Variants in RELB observed in about 807,000 individuals in gnomAD.
RELB encodes RELB proto-oncogene, NF-kB subunit, also known as transcription factor RelB.
In RELB, 14 loss-of-function variants were observed where a neutral mutation model predicts 55.4. The observed-to-expected ratio is 0.25, with a 90% CI of 0.17 to 0.40. The LOEUF is 0.40. Ranked by LOEUF, RELB falls within the 10% of genes least tolerant of loss-of-function variation. The pLI is 1.00. For missense variants in RELB, 669 were observed against 830.7 expected (o/e 0.81, Z 2.39); for synonymous variants, 409 against 371.3 (o/e 1.10, Z -1.17).
intron 4 of RELB, among the ~76,000 whole-genome samples, chr19:45,015,338 C>G (rs1293703087): frequency 6.6e-6 from 1 of 152,184 alleles, no homozygotes. Context: ...GTACCAGGTA[C>G]TTTGCATACC....
chr19:45,010,174 G>A (rs890099357), intron 3 of RELB, among the ~76,000 whole-genome samples: 5 of 151,174 alleles, frequency 3.3e-5, no homozygotes, highest in East Asian at 3.9e-4. Context: ...ATGGTGGTGC[G>A]CACCTGTAGT....
At chr19:45,028,197 T>C (rs34856574) in intron 7 of RELB, among the ~76,000 whole-genome samples, 1 of 151,976 alleles carries the variant, frequency 6.6e-6, no homozygotes, top group African/African-American at 2.4e-5. Context: ...TTTTTTTTCT[T>C]TTTTGAGAGA....
In RELB at chr19:45,029,005, G is replaced by C. The variant is rs1162640155; in HGVS notation, c.991+13G>C. 1 of 1,560,598 alleles carries C rather than the reference G, an allele frequency of 6.4e-7. No individual in the cohort carries two copies. Among genetic ancestry groups the C allele is most frequent in the East Asian group, 2.4e-5 (1 of 42,078 alleles). ...AAGGTGCAGAAAGGTGAGGGGCCTG[G>C]GGCAGCAAGCTTGGGCAGAGCGGGG... On this transcript the variant is annotated intron_variant, in intron 8 of 11. Coordinates refer to ENST00000221452, the MANE Select transcript of RELB (RefSeq NM_006509.4).
At position 45,005,824 on chromosome 19, in the gene RELB, G is replaced by T. The variant is rs546750718; in HGVS notation, c.154+2828G>T. On this transcript the variant is annotated intron_variant, in intron 2 of 11. Transcript: ENST00000221452. ...TTGCCATGTTGGCCAGGCCGGTCTGGAACTCCTGGCCTCAAGCGATCTGCC... is the reference window on the plus strand; with the variant it reads ...TTGCCATGTTGGCCAGGCCGGTCTGTAACTCCTGGCCTCAAGCGATCTGCC... Among the ~76,000 whole-genome samples the T allele has an allele frequency of 3.3e-5, 5 of 152,268 alleles. No individual in the cohort carries two copies. The East Asian group carries it at 9.7e-4, about 29-fold the overall frequency.
At chr19:45,020,224 T>C (rs1354129501) in intron 4 of RELB, among the ~76,000 whole-genome samples, 1 of 150,934 alleles carries the variant, frequency 6.6e-6, no homozygotes, top group Non-Finnish European at 1.5e-5. Context: ...TCTCTCTCTC[T>C]CTTTTTTTTT....
intron 4 of RELB, among the ~76,000 whole-genome samples, chr19:45,017,765 C>A (rs1474027037): frequency 6.7e-6 from 1 of 149,812 alleles, no homozygotes; most frequent in East Asian, 2.0e-4. Context: ...CTTGCCTCAG[C>A]CTCCTGAGTT....
chr19:45,012,866 C>A (rs947122328), intron 4 of RELB, among the ~76,000 whole-genome samples: 1 of 151,492 alleles, frequency 6.6e-6, no homozygotes, highest in East Asian at 1.9e-4. Context: ...CTGGGCAAGA[C>A]GGCAAAACCC....
chr19:45,015,734 C>CAA (rs768567865), intron 4 of RELB, among the ~76,000 whole-genome samples: 1,552 of 73,348 alleles, frequency 0.021, 67 homozygotes, highest in African/African-American at 0.081. Flanking sequence ...GATGCTATCT[C>CAA]AAAAAAAAAA....
At chr19:45,007,263 G>A (rs542445706) in intron 2 of RELB, among the ~76,000 whole-genome samples, 2 of 152,006 alleles carry the variant, frequency 1.3e-5, no homozygotes, top group Admixed American at 6.6e-5. Flanking sequence ...AGTCCACGTT[G>A]GGGGTAAAGG....
chr19:45,012,142 C>A lies in RELB; in HGVS notation c.370C>A (p.Gln124Lys). ...GTCCCCAGCGCCGGGCCCGGGCCCGCAGCCGCACCTGGTCATCACGGAGCA... is the reference window on the plus strand; with the variant it reads ...GTCCCCAGCGCCGGGCCCGGGCCCGAAGCCGCACCTGGTCATCACGGAGCA... ...LVSPAPGPGP[Q>K]PHLVITEQPK... The change falls in exon 4 of 12, where the codon CAG becomes AAG. Residue 124 changes from glutamine to lysine, a missense_variant. Physicochemically the swap from Gln to Lys is moderately conservative, Grantham distance 53. Around this residue, in one of 3 missense-constraint regions of RELB, gnomAD observed 323 missense variants for 368.5 expected, o/e 0.88. Transcript: ENST00000221452. The A allele has an allele frequency of 6.4e-7, 1 of 1,560,532 alleles. No homozygotes were observed.
chr19:45,009,221 C>T (rs1971319838), intron 2 of RELB, among the ~76,000 whole-genome samples: 1 of 152,150 alleles, frequency 6.6e-6, no homozygotes, highest in African/African-American at 2.4e-5. Context: ...GCTGGGATTA[C>T]AGGTGCCCAC....
intron 4 of RELB, among the ~76,000 whole-genome samples, chr19:45,018,795 G>A (rs1198144919): frequency 6.6e-6 from 1 of 151,312 alleles, no homozygotes; most frequent in African/African-American, 2.4e-5. Context: ...TCCTGCCTCA[G>A]CCTCCCGAGT....
chr19:45,007,276 G>A (rs562602272), intron 2 of RELB, among the ~76,000 whole-genome samples: 1 of 152,318 alleles, frequency 6.6e-6, no homozygotes, highest in African/African-American at 2.4e-5. Flanking sequence ...GGTAAAGGGA[G>A]GCACTGCTAT....
chr19:45,014,336 A>C (rs1971396881), intron 4 of RELB, among the ~76,000 whole-genome samples: 1 of 151,044 alleles, frequency 6.6e-6, no homozygotes, highest in Admixed American at 6.6e-5. Flanking sequence ...TGCCTGGCTA[A>C]TTTTTGTATT....
intron 2 of RELB, among the ~76,000 whole-genome samples, chr19:45,007,270 A>G (rs1274596956): frequency 6.9e-6 from 1 of 145,466 alleles, no homozygotes; most frequent in Non-Finnish European, 1.5e-5. Flanking sequence ...GTTGGGGGTA[A>G]AGGGAGGCAC....
chr19:45,015,297 G>A (rs909600497), intron 4 of RELB, among the ~76,000 whole-genome samples: 1 of 152,192 alleles, frequency 6.6e-6, no homozygotes, highest in African/African-American at 2.4e-5. Context: ...GTTTACTATT[G>A]TAATTACCGC....
At chr19:45,003,734 A>G (rs895888848) in intron 2 of RELB, among the ~76,000 whole-genome samples, 8 of 151,610 alleles carry the variant, frequency 5.3e-5, no homozygotes, top group Non-Finnish European at 1.0e-4. Flanking sequence ...GGAAATTGAG[A>G]GTATTCAATG....
Position 45,018,972 on chromosome 19 carries a change from T to A in RELB, c.505-3081T>A, listed in dbSNP as rs146788096. ...GCGCTCGGCTGAAAGCTAGTGCCTT[T>A]CATCTATATTCACCAGTTGACATTT... On this transcript the variant is annotated intron_variant, in intron 4 of 11. Transcript: ENST00000221452. Among the ~76,000 whole-genome samples, 24 of 152,276 alleles carry A rather than the reference T, an allele frequency of 1.6e-4. No individual in the cohort carries two copies. In the East Asian group the frequency reaches 4.4e-3, roughly 28 times the overall value.
rs10418796 is a variant in RELB, at chr19:45,021,949, C to G, written c.505-104C>G. ...GTTGGGGAGCTCCCAACAGAGGACC[C>G]TAGTGGGGAGAGGATTGGGGAGCTG... On this transcript the variant is annotated intron_variant, in intron 4 of 11. Coordinates refer to ENST00000221452, the MANE Select transcript of RELB (RefSeq NM_006509.4). The G allele has an allele frequency of 1.9e-3, 2,216 of 1,160,704 alleles. 32 individuals carry two copies. In the African/African-American group the frequency reaches 0.031, roughly 16 times the overall value. The allele number at this position is 1,160,704 out of a possible 1,614,324, so 71.9% of individuals were successfully genotyped here.
Sources: allele counts gnomAD v4.1 joint callset (sites outside exome capture counted in the v4.1 genomes callset), GRCh38; gene constraint gnomAD v4.1.1; regional missense constraint gnomAD v4.1.1; transcripts MANE v1.5; gene names NCBI Gene and HGNC (gene_info 2026-07-23, HGNC 2026-07-21).